The following SLC28A3 variants were observed in gnomAD, a reference collection of about 807,000 sequenced individuals.
SLC28A3 encodes solute carrier family 28 member 3.
Under a neutral mutation model 84.2 loss-of-function variants are expected in SLC28A3, and 68 were observed. That is an observed-to-expected ratio of 0.81 (90% CI 0.66 to 0.99). The LOEUF is 0.99. SLC28A3 is among the 50% of genes least tolerant of loss of function. SLC28A3 has a pLI of 0.00. For synonymous variants in SLC28A3, 267 were observed against 303.6 expected (o/e 0.88, Z 1.25); for missense variants, 712 against 841.5 (o/e 0.85, Z 1.90).
Position 84,313,459 on chromosome 9 carries a change from GA to G in SLC28A3, c.61-6del. ...CTCAAGAAAGTTTTCTTCATTCTAAGAAAAAAGTGCAGATTGAAAAAATAAA... is the reference window on the plus strand; with the variant it reads ...CTCAAGAAAGTTTTCTTCATTCTAAGAAAAAGTGCAGATTGAAAAAATAAA... On this transcript the variant is annotated splice_polypyrimidine_tract_variant and splice_region_variant and intron_variant, in intron 1 of 17. Coordinates refer to ENST00000376238, the MANE Select transcript of SLC28A3 (RefSeq NM_001199633.2). 1 of 1,610,004 alleles carries G rather than the reference GA, an allele frequency of 6.2e-7. No homozygotes were observed. The highest frequency in any genetic ancestry group is 8.5e-7 in the Non-Finnish European group (1 of 1,178,260).
chr9:84,346,299 A>G, the SLC28A3 span, among the ~76,000 whole-genome samples: 45 of 148,018 alleles, frequency 3.0e-4, no homozygotes, highest in Non-Finnish European at 6.3e-4. Flanking sequence ...TAAAATATGA[A>G]AGGAAAAATA....
At chr9:84,319,423 G>C (rs906570556) in intron 1 of SLC28A3, among the ~76,000 whole-genome samples, 1 of 152,128 alleles carries the variant, frequency 6.6e-6, no homozygotes, top group Non-Finnish European at 1.5e-5. Flanking sequence ...CCAGCACTTT[G>C]GGGGGCTGAG....
At chr9:84,336,473 C>A (rs1826979860) in intron 1 of SLC28A3, among the ~76,000 whole-genome samples, 1 of 152,160 alleles carries the variant, frequency 6.6e-6, no homozygotes, top group African/African-American at 2.4e-5. Context: ...CACTGCACTC[C>A]AGTCTGGGCG....
chr9:84,350,932 C>G, the SLC28A3 span, among the ~76,000 whole-genome samples: 35 of 152,040 alleles, frequency 2.3e-4, no homozygotes, highest in African/African-American at 8.2e-4. Flanking sequence ...GCTGGTATAT[C>G]CTGACCTCAA....
intron 14 of SLC28A3, 93 bp from the exon 15 acceptor site, chr9:84,280,975 A>G (rs990191785): frequency 8.6e-7 from 1 of 1,156,838 alleles, no homozygotes; most frequent in African/African-American, 1.5e-5. Context: ...CATAAATTCA[A>G]TATTGACAAA....
intron 1 of SLC28A3, among the ~76,000 whole-genome samples, chr9:84,339,914 G>C (rs996523232): frequency 6.6e-6 from 1 of 152,118 alleles, no homozygotes; most frequent in African/African-American, 2.4e-5. Flanking sequence ...GACACTTGCC[G>C]GTGCAGGCTT....
chr9:84,352,068 G>A, the SLC28A3 span, among the ~76,000 whole-genome samples: 1 of 152,136 alleles, frequency 6.6e-6, no homozygotes, highest in Non-Finnish European at 1.5e-5. Flanking sequence ...ATTCATATAT[G>A]TAAACATATA....
chr9:84,329,371 C>T (rs551777973), intron 1 of SLC28A3, among the ~76,000 whole-genome samples: 1 of 152,232 alleles, frequency 6.6e-6, no homozygotes, highest in Admixed American at 6.5e-5. Context: ...CCAACTAGAC[C>T]TTATAGACAT....
At chr9:84,328,083 C>G (rs985668543) in intron 1 of SLC28A3, among the ~76,000 whole-genome samples, 32 of 148,400 alleles carry the variant, frequency 2.2e-4, no homozygotes, top group Non-Finnish European at 4.0e-4. Flanking sequence ...ACAAGCCAAT[C>G]TAAGAATTAA....
chr9:84,344,699 C>A (rs930477148), upstream of SLC28A3, among the ~76,000 whole-genome samples: 19 of 152,104 alleles, frequency 1.2e-4, no homozygotes, highest in Admixed American at 9.2e-4. Flanking sequence ...TTTATCTTAG[C>A]CTGAATATTC....
chr9:84,283,562 CT>C (rs774550229), intron 14 of SLC28A3, among the ~76,000 whole-genome samples: 4 of 152,184 alleles, frequency 2.6e-5, no homozygotes, highest in Non-Finnish European at 4.4e-5. Flanking sequence ...GGATGCCTTA[CT>C]TTTTCCTTTA....
intron 1 of SLC28A3, among the ~76,000 whole-genome samples, chr9:84,336,841 G>A (rs1046134456): frequency 1.3e-5 from 2 of 152,156 alleles, no homozygotes; most frequent in South Asian, 2.1e-4. Context: ...AGGGTTCTGA[G>A]TCTGTACAGA....
intron 1 of SLC28A3, among the ~76,000 whole-genome samples, chr9:84,316,817 A>G (rs990384708): frequency 1.4e-4 from 22 of 152,140 alleles, no homozygotes; most frequent in Non-Finnish European, 4.4e-5. Flanking sequence ...CCTGGCCAAT[A>G]TGGTAACACC....
chr9:84,299,318 A>T (rs577024066), intron 6 of SLC28A3, among the ~76,000 whole-genome samples: 38 of 152,316 alleles, frequency 2.5e-4, no homozygotes, highest in Middle Eastern at 3.4e-3. Flanking sequence ...GATGGAGGGT[A>T]TGCGAGAAGA....
upstream of SLC28A3, among the ~76,000 whole-genome samples, chr9:84,341,039 T>C (rs1355684224): frequency 6.7e-6 from 1 of 150,176 alleles, no homozygotes; most frequent in Non-Finnish European, 1.5e-5. Flanking sequence ...AGTGACGCAA[T>C]CTCGGTTCAC....
chr9:84,364,964 C>T, the SLC28A3 span, among the ~76,000 whole-genome samples: 1 of 152,176 alleles, frequency 6.6e-6, no homozygotes, highest in African/African-American at 2.4e-5. Flanking sequence ...CTATTGTGAA[C>T]AGTGCTGCAA....
intron 4 of SLC28A3, among the ~76,000 whole-genome samples, chr9:84,304,461 CA>C (rs35892503): frequency 0.25 from 35,008 of 140,244 alleles, 4,081 homozygotes; most frequent in East Asian, 0.31. Context: ...AACAGTACAA[CA>C]AAAAAAAAAA....
At chr9:84,299,856 G>T in intron 5 of SLC28A3, 131 bp from the exon 6 acceptor site, 2 of 1,035,456 alleles carry the variant, frequency 1.9e-6, no homozygotes, top group African/African-American at 1.7e-5. Flanking sequence ...AGAATGGAGC[G>T]ATCTTGGCTC....
Position 84,279,222 on chromosome 9 carries a change from T to C in SLC28A3, c.1949+43A>G, listed in dbSNP as rs201557242. 459 of 1,527,848 alleles carry C rather than the reference T, an allele frequency of 3.0e-4. 1 individual carries two copies. The highest frequency in any genetic ancestry group is 3.8e-4 in the Non-Finnish European group (436 of 1,137,462). 94.6% of individuals were successfully genotyped at this position (1,527,848 alleles called of 1,614,324 possible). ...GGATATTTAGGTGTGATTTGATTGA[T>C]TATTAATGGAGTATAAAGAAATTAT... is the stretch of plus-strand genomic sequence containing the variant. On this transcript the variant is annotated intron_variant, in intron 17 of 17. Coordinates refer to ENST00000376238, the MANE Select transcript of SLC28A3 (RefSeq NM_001199633.2).
Sources: gnomAD v4.1 joint callset for allele counts (sites outside exome capture counted in the v4.1 genomes callset) on GRCh38, gnomAD v4.1.1 for gene constraint, MANE v1.5 for transcripts, NCBI Gene and HGNC (gene_info 2026-07-23, HGNC 2026-07-21) for gene names.